The following USO1 variants were observed in gnomAD, a reference collection of about 807,000 sequenced individuals.
USO1 encodes general vesicular transport factor p115.
A neutral mutation model predicts 124.5 loss-of-function variants in USO1; 57 were observed. The observed-to-expected ratio is 0.46, with a 90% CI of 0.37 to 0.57. The LOEUF is 0.57. Ranked by LOEUF, USO1 falls within the 20% of genes least tolerant of loss-of-function variation. USO1 has a pLI of 0.00. For missense variants in USO1, 900 were observed against 1,040.6 expected (o/e 0.86, Z 1.86); for synonymous variants, 369 against 362.8 (o/e 1.02, Z -0.19).
intron 10 of USO1, 75 bp downstream of exon 10, chr4:75,787,277 G>A: frequency 1.5e-6 from 2 of 1,363,100 alleles, no homozygotes; most frequent in Non-Finnish European, 1.9e-6. Context: ...GATATTTGTT[G>A]AAGGAAAAAC....
chr4:75,759,583 G>A (rs1721542397), intron 4 of USO1, among the ~76,000 whole-genome samples: 1 of 146,794 alleles, frequency 6.8e-6, no homozygotes, highest in Non-Finnish European at 1.5e-5. Context: ...ACCAGAGTGA[G>A]ACTCTGTCTC....
chr4:75,806,569 A>G lies in USO1; in HGVS notation c.2373A>G (p.Lys791=). The G allele has an allele frequency of 1.9e-6, 3 of 1,553,452 alleles. No individual in the cohort carries two copies. The highest frequency in any genetic ancestry group is 2.6e-6 in the Non-Finnish European group (3 of 1,147,904). ...ATTCTGAACAAGTTGCAGAATTAAA[A>G]CAGGTAATTTTCCACTTTGATCCAA... ...ARDSEQVAEL[K]QELATLKSQL... Residue 791 remains lysine, a synonymous_variant, in exon 20 of 24, where the codon AAA becomes AAG. Coordinates refer to ENST00000514213, the MANE Select transcript of USO1 (RefSeq NM_003715.4).
chr4:75,742,952 C>A (rs1442214790), intron 1 of USO1, among the ~76,000 whole-genome samples: 2 of 151,716 alleles, frequency 1.3e-5, no homozygotes, highest in African/African-American at 4.8e-5. Flanking sequence ...AAGCCTGCTT[C>A]AGGATCCCAT....
At chr4:75,739,507 T>C (rs1342656572) in intron 1 of USO1, among the ~76,000 whole-genome samples, 4 of 151,744 alleles carry the variant, frequency 2.6e-5, no homozygotes, top group Non-Finnish European at 5.9e-5. Flanking sequence ...TTTAGTGTTA[T>C]GCTTTTTGCA....
chr4:75,725,258 T>C (rs565515896), intron 1 of USO1, among the ~76,000 whole-genome samples: 1 of 152,260 alleles, frequency 6.6e-6, no homozygotes, highest in African/African-American at 2.4e-5. Flanking sequence ...TCTCTTTCGC[T>C]CGTCTGCACT....
intron 4 of USO1, among the ~76,000 whole-genome samples, chr4:75,759,245 C>CATTTTTTTT (rs1560443228): frequency 8.7e-5 from 1 of 11,556 alleles, no homozygotes; most frequent in Non-Finnish European, 1.8e-4. Context: ...TTATTAAGGA[C>CATTTTTTTT]CTTTTTTTTT....
intron 1 of USO1, chr4:75,744,865 T>C (rs1179345386): frequency 2.1e-6 from 1 of 477,864 alleles, no homozygotes; most frequent in Admixed American, 2.3e-5. Flanking sequence ...TTTCTATTGC[T>C]GCAGTATTTG....
intron 9 of USO1, 115 bp from the exon 10 acceptor site, chr4:75,786,947 A>G (rs917062870): frequency 1.6e-6 from 2 of 1,244,672 alleles, no homozygotes; most frequent in East Asian, 3.1e-5. Context: ...ACCTAAATGT[A>G]GCTAAGCAGC....
chr4:75,800,331 C>A lies in USO1; in HGVS notation c.1564-20C>A. Reference sequence around the variant, plus strand: ...GTACTAGATATTTTCAATCCTTAGCCTCCTTAACAAAGATTTCAGCTTACA... The same window carrying A: ...GTACTAGATATTTTCAATCCTTAGCATCCTTAACAAAGATTTCAGCTTACA... On this transcript the variant is annotated intron_variant, in intron 14 of 23. Coordinates refer to ENST00000514213, the MANE Select transcript of USO1 (RefSeq NM_003715.4). 2 of 1,560,546 alleles carry A rather than the reference C, an allele frequency of 1.3e-6. No individual in the cohort carries two copies. The highest frequency in any genetic ancestry group is 1.4e-5 in the African/African-American group (1 of 73,532).
At chr4:75,779,254 G>T (rs1026872804) in intron 8 of USO1, among the ~76,000 whole-genome samples, 1 of 151,924 alleles carries the variant, frequency 6.6e-6, no homozygotes, top group African/African-American at 2.4e-5. Context: ...TAACAATATT[G>T]AAATCAGGCA....
chr4:75,732,060 C>A (rs1391068389), intron 1 of USO1, among the ~76,000 whole-genome samples: 2 of 152,158 alleles, frequency 1.3e-5, no homozygotes, highest in Non-Finnish European at 2.9e-5. Flanking sequence ...CAAGTTGTTA[C>A]ATGGGTAAAT....
chr4:75,739,544 T>TC (rs902929867), intron 1 of USO1, among the ~76,000 whole-genome samples: 4 of 143,720 alleles, frequency 2.8e-5, no homozygotes, highest in Admixed American at 7.0e-5. Flanking sequence ...TTTTCTTTTT[T>TC]TTTTTTTTTT....
chr4:75,791,032 G>A (rs976913486), intron 12 of USO1, among the ~76,000 whole-genome samples: 5 of 152,082 alleles, frequency 3.3e-5, no homozygotes, highest in South Asian at 2.1e-4. Context: ...AACTTCTGCC[G>A]TATAACTTTT....
Position 75,786,967 on chromosome 4 carries a change from A to T in USO1, c.856-95A>T, listed in dbSNP as rs148560155. Reference sequence around the variant, plus strand: ...AATGTAGCTAAGCAGCTAAGGGAGTACTTCATGCAGACTTTCTTGTTCACA... The same window carrying T: ...AATGTAGCTAAGCAGCTAAGGGAGTTCTTCATGCAGACTTTCTTGTTCACA... On this transcript the variant is annotated intron_variant, in intron 9 of 23. Coordinates refer to ENST00000514213, the MANE Select transcript of USO1 (RefSeq NM_003715.4). 158 of 1,376,316 alleles carry T rather than the reference A, an allele frequency of 1.1e-4. 1 individual carries two copies. In the African/African-American group the frequency reaches 2.1e-3, roughly 18 times the overall value. The allele number at this position is 1,376,316 out of a possible 1,614,324, so 85.3% of individuals were successfully genotyped here.
intron 21 of USO1, 140 bp from the exon 22 acceptor site, chr4:75,810,292 G>A: frequency 1.1e-6 from 1 of 942,666 alleles, no homozygotes; most frequent in Non-Finnish European, 1.5e-6. Context: ...GCACTTTGTT[G>A]CACATAAATA....
chr4:75,762,743 A>G (rs1388609697), intron 4 of USO1, among the ~76,000 whole-genome samples: 1 of 152,058 alleles, frequency 6.6e-6, no homozygotes, highest in East Asian at 1.9e-4. Context: ...CCTGGCTAAC[A>G]TGGTGAAACC....
At chr4:75,745,060 C>T (rs573298334) in intron 1 of USO1, 1 of 341,260 alleles carries the variant, frequency 2.9e-6, no homozygotes, top group South Asian at 2.3e-5. Context: ...ACTGCCATCA[C>T]ATTAATGCCT....
intron 4 of USO1, chr4:75,767,520 G>A (rs776582322): frequency 6.9e-5 from 28 of 403,286 alleles, no homozygotes; most frequent in Non-Finnish European, 1.1e-4. Context: ...CAAGGCAGGC[G>A]GATCACAAGG....
intron 10 of USO1, 33 bp downstream of exon 10, chr4:75,787,235 G>A: frequency 7.0e-7 from 1 of 1,429,770 alleles, no homozygotes; most frequent in Non-Finnish European, 9.2e-7. Context: ...CAACTCTGTG[G>A]AAGTTGAAAT....
Sources: allele counts gnomAD v4.1 joint callset (sites outside exome capture counted in the v4.1 genomes callset), GRCh38; gene constraint gnomAD v4.1.1; transcripts MANE v1.5; gene names NCBI Gene and HGNC (gene_info 2026-07-23, HGNC 2026-07-21).